The following PRMT3 variants were observed in gnomAD, a reference collection of about 807,000 sequenced individuals.
PRMT3 encodes the protein protein arginine methyltransferase 3, also known as protein arginine N-methyltransferase 3.
Under a neutral mutation model 71.9 loss-of-function variants are expected in PRMT3, and 62 were observed. The observed-to-expected ratio is 0.86, with a 90% CI of 0.70 to 1.07. PRMT3 has a LOEUF of 1.07. PRMT3 is among the 50% of genes least tolerant of loss of function. The pLI, the probability that PRMT3 is intolerant of heterozygous loss-of-function variation, is 0.00. For missense variants in PRMT3, 663 were observed against 643.0 expected (o/e 1.03, Z -0.34); for synonymous variants, 213 against 220.4 (o/e 0.97, Z 0.30).
intron 10 of PRMT3, among the ~76,000 whole-genome samples, chr11:20,441,488 T>A (rs1233096411): frequency 1.3e-4 from 19 of 151,778 alleles, no homozygotes; most frequent in Non-Finnish European, 1.9e-4. Flanking sequence ...TTTGTATTTT[T>A]AGTAGAGACG....
Position 20,441,659 on chromosome 11 carries a change from G to A in PRMT3, c.994-10471G>A, listed in dbSNP as rs150476288. ...TCACAAATCTACACTCATATTTTCC[G>A]TGTAAGATTATGGAATTTTTACTTG... On this transcript the variant is annotated intron_variant, in intron 10 of 15. Transcript: ENST00000331079. Among the ~76,000 whole-genome samples, 12 of 151,902 alleles carry A rather than the reference G, an allele frequency of 7.9e-5. No individual in the cohort carries two copies. The South Asian group carries it at 1.2e-3, about 16-fold the overall frequency.
chr11:20,474,515 C>A (rs114409582), intron 13 of PRMT3, among the ~76,000 whole-genome samples: 4,546 of 152,260 alleles, frequency 0.03, 228 homozygotes, highest in African/African-American at 0.1. Context: ...TCTGTGTATG[C>A]CCCAGCGGCT....
intron 10 of PRMT3, among the ~76,000 whole-genome samples, chr11:20,445,163 A>C (rs1220482739): frequency 6.6e-6 from 1 of 151,934 alleles, no homozygotes; most frequent in Non-Finnish European, 1.5e-5. Flanking sequence ...CTCTTCCTAT[A>C]ATCTTAATTT....
At chr11:20,452,786 G>A (rs1166716370) in intron 11 of PRMT3, among the ~76,000 whole-genome samples, 1 of 152,206 alleles carries the variant, frequency 6.6e-6, no homozygotes, top group Admixed American at 6.5e-5. Context: ...TACTCAGAGT[G>A]AGATTCTGTT....
chr11:20,486,301 T>C (rs1185886230), intron 13 of PRMT3, among the ~76,000 whole-genome samples: 2 of 152,126 alleles, frequency 1.3e-5, no homozygotes, highest in Non-Finnish European at 2.9e-5. Context: ...AATGGGTAAA[T>C]TTTTTGGTAT....
At chr11:20,473,435 G>T (rs1379652601) in intron 13 of PRMT3, among the ~76,000 whole-genome samples, 1 of 151,936 alleles carries the variant, frequency 6.6e-6, no homozygotes, top group Admixed American at 6.6e-5. Context: ...TTGTCTCTTT[G>T]TTCTCATTAG....
intron 10 of PRMT3, among the ~76,000 whole-genome samples, chr11:20,451,024 G>A (rs536419108): frequency 2.0e-5 from 3 of 152,256 alleles, no homozygotes; most frequent in East Asian, 3.9e-4. Flanking sequence ...CTGTTGGGGG[G>A]TTGGACCCTA....
chr11:20,489,792 T>G (rs1191539132), intron 13 of PRMT3, among the ~76,000 whole-genome samples: 2 of 151,520 alleles, frequency 1.3e-5, no homozygotes, highest in East Asian at 3.9e-4. Flanking sequence ...TTAATCTCTT[T>G]TAATTAAGAG....
chr11:20,501,193 C>T (rs1851449801), intron 15 of PRMT3, among the ~76,000 whole-genome samples: 1 of 152,066 alleles, frequency 6.6e-6, no homozygotes, highest in Non-Finnish European at 1.5e-5. Flanking sequence ...CTTGATTCCC[C>T]AGATAAATTC....
intron 15 of PRMT3, among the ~76,000 whole-genome samples, chr11:20,498,679 G>A (rs1263785592): frequency 6.6e-6 from 1 of 152,254 alleles, no homozygotes; most frequent in South Asian, 2.1e-4. Flanking sequence ...GCAGTGAGCT[G>A]AGATTGCACC....
chr11:20,495,451 G>T lies in PRMT3; in HGVS notation c.1486+1197G>T, dbSNP rs1008392218. ...TGAGGCAGGAGGCTTGCTTGAGTCT[G>T]CAGGGAGCTATGATGATACCACTGC... On this transcript the variant is annotated intron_variant, in intron 15 of 15. Transcript: ENST00000331079. Among the ~76,000 whole-genome samples, 5 of 152,108 alleles carry T rather than the reference G, an allele frequency of 3.3e-5. 1 individual carries two copies. The highest frequency in any genetic ancestry group is 1.2e-4 in the African/African-American group (5 of 41,420).
chr11:20,405,344 C>G (rs897208853), intron 8 of PRMT3: 9 of 150,844 alleles, frequency 6.0e-5, no homozygotes, highest in African/African-American at 2.2e-4. Flanking sequence ...AAAAATGAAT[C>G]AAATTTCCTC....
In PRMT3 at chr11:20,426,873, T is replaced by C; in HGVS notation, c.993+8T>C. 1 of 1,520,248 alleles carries C rather than the reference T, an allele frequency of 6.6e-7. No homozygotes were observed. 94.2% of individuals were successfully genotyped at this position (1,520,248 alleles called of 1,614,324 possible). ...ATCATATCTGAGTGGATGGTGAGTG[T>C]TTATAGAAAAAACTACTTTCACTGG... is the stretch of plus-strand genomic sequence containing the variant. On this transcript the variant is annotated splice_region_variant and intron_variant, in intron 10 of 15. Transcript: ENST00000331079.
intron 13 of PRMT3, 33 bp from the exon 14 acceptor site, chr11:20,493,886 G>C (rs775991899): frequency 1.4e-6 from 2 of 1,400,042 alleles, no homozygotes; most frequent in East Asian, 4.6e-5. Context: ...AATTCATTTA[G>C]TAAGCATTTA....
intron 9 of PRMT3, 88 bp downstream of exon 9, chr11:20,408,120 GCA>G: frequency 1.1e-6 from 1 of 915,110 alleles, no homozygotes; most frequent in Non-Finnish European, 1.5e-6. Context: ...GCTATCTAAG[GCA>G]GACTAAAGAC....
At chr11:20,469,193 A>G (rs1850585451) in intron 13 of PRMT3, among the ~76,000 whole-genome samples, 1 of 152,224 alleles carries the variant, frequency 6.6e-6, no homozygotes, top group South Asian at 2.1e-4. Context: ...TAACCTAGCC[A>G]AAAATGAACA....
rs542034153 is a variant in PRMT3 at position 20,387,874 on chromosome 11, G to C, written c.28+100G>C. ...TCCGGGACACGGGCCCGGGCAGGGT[G>C]GGGGGCTCGCAGGGATCATGAAGGA... On this transcript the variant is annotated intron_variant, in intron 1 of 15. Coordinates refer to ENST00000331079, the MANE Select transcript of PRMT3 (RefSeq NM_005788.4). This position sits in a 1 kb window ranked among gnomAD's most constrained non-coding sequence, Gnocchi z 4.3. 3 of 1,534,036 alleles carry C rather than the reference G, an allele frequency of 2.0e-6. No homozygotes were observed. Among genetic ancestry groups the C allele is most frequent in the Non-Finnish European group, 1.8e-6 (2 of 1,139,004 alleles).
chr11:20,500,654 G>T (rs187624312), intron 15 of PRMT3, among the ~76,000 whole-genome samples: 1 of 152,118 alleles, frequency 6.6e-6, no homozygotes, highest in East Asian at 1.9e-4. Context: ...CTTTTGAAAT[G>T]GTGCTAGAAC....
intron 7 of PRMT3, 67 bp from the exon 8 acceptor site, chr11:20,402,852 T>A (rs369862086): frequency 1.4e-5 from 18 of 1,264,224 alleles, no homozygotes; most frequent in Middle Eastern, 3.8e-4. Context: ...ATGGCAAATA[T>A]CTCCCTTAAA....
Sources: gnomAD v4.1 joint callset for allele counts (sites outside exome capture counted in the v4.1 genomes callset) on GRCh38, gnomAD v4.1.1 for gene constraint, Gnocchi (gnomAD v3.1) non-coding constraint, MANE v1.5 for transcripts, NCBI Gene and HGNC (gene_info 2026-07-23, HGNC 2026-07-21) for gene names.